The following RGS17 variants were observed in gnomAD, a reference collection of about 807,000 sequenced individuals.
RGS17 encodes the protein regulator of G-protein signaling 17.
Under a neutral mutation model 25.5 loss-of-function variants are expected in RGS17, and 12 were observed. The observed-to-expected ratio is 0.47, with a 90% CI of 0.30 to 0.76. The LOEUF is 0.76. Ranked by LOEUF, RGS17 falls within the 30% of genes least tolerant of loss-of-function variation. The pLI is 0.07. For missense variants in RGS17, 196 were observed against 242.2 expected, an observed-to-expected ratio of 0.81 and a Z score of 1.27; for synonymous variants, 71 against 76.9, an observed-to-expected ratio of 0.92 and a Z score of 0.40.
At chr6:153,039,959 T>C (rs1776301692) in intron 2 of RGS17, among the ~76,000 whole-genome samples, 1 of 152,206 alleles carries the variant, frequency 6.6e-6, no homozygotes, top group Admixed American at 6.5e-5. Context: ...AAACGAGACA[T>C]TCCACTTGCC....
At chr6:153,112,515 G>C (rs1414013982) in intron 1 of RGS17, among the ~76,000 whole-genome samples, 1 of 152,164 alleles carries the variant, frequency 6.6e-6, no homozygotes, top group Non-Finnish European at 1.5e-5. Flanking sequence ...TATTATCCAG[G>C]AGAACTTCCC....
intron 1 of RGS17, among the ~76,000 whole-genome samples, chr6:153,098,236 G>A (rs918291179): frequency 6.6e-6 from 1 of 152,176 alleles, no homozygotes; most frequent in African/African-American, 2.4e-5. Context: ...GAGTATGGAT[G>A]AGGGGGTGAC....
intron 1 of RGS17, among the ~76,000 whole-genome samples, chr6:153,054,650 C>CAAAT (rs55901939): frequency 0.39 from 55,461 of 141,438 alleles, 11,108 homozygotes; most frequent in South Asian, 0.44. Flanking sequence ...GACTTCATCT[C>CAAAT]AAATAAATAA....
At chr6:153,127,078 T>C (rs905762150) in intron 1 of RGS17, among the ~76,000 whole-genome samples, 1 of 152,196 alleles carries the variant, frequency 6.6e-6, no homozygotes, top group Non-Finnish European at 1.5e-5. Context: ...CATTAGATTC[T>C]CATAAGGAGT....
chr6:153,053,945 T>C lies in RGS17; in HGVS notation c.-25-9902A>G, dbSNP rs1467136339. On this transcript the variant is annotated intron_variant, in intron 1 of 4. Coordinates refer to ENST00000206262, the MANE Select transcript of RGS17 (RefSeq NM_012419.5). ...TATATGTATATATATGTATATATAA[T>C]ATATATACATATATATTATATACAT... 2.0e-4 allele frequency among the ~76,000 whole-genome samples: 11 copies of C among 54,414 alleles called. 2 individuals carry two copies. The highest frequency in any genetic ancestry group is 3.1e-4 in the Non-Finnish European group (11 of 35,416). The allele number at this position is 54,414 out of a possible 152,430, so 35.7% of individuals were successfully genotyped here. A position where few individuals can be genotyped will look rare whatever the true frequency, so the allele number is the denominator to read the frequency against.
intron 2 of RGS17, among the ~76,000 whole-genome samples, chr6:153,040,325 C>CA (rs1048166833): frequency 2.0e-5 from 3 of 151,644 alleles, no homozygotes; most frequent in Non-Finnish European, 4.4e-5. Context: ...ATCCTCCCCG[C>CA]AAAAAATGTG....
At chr6:153,121,139 A>G (rs1290393881) in intron 1 of RGS17, among the ~76,000 whole-genome samples, 1 of 152,044 alleles carries the variant, frequency 6.6e-6, no homozygotes, top group Non-Finnish European at 1.5e-5. Context: ...AAGAAAAAGG[A>G]GGCAGAAAAC....
Position 153,055,105 on chromosome 6 carries a change from C to G in RGS17, c.-25-11062G>C, listed in dbSNP as rs1400052986. Among the ~76,000 whole-genome samples, 3 of 152,124 alleles carry G rather than the reference C, an allele frequency of 2.0e-5. No homozygotes were observed. In the East Asian group the frequency reaches 5.8e-4, roughly 29 times the overall value. On this transcript the variant is annotated intron_variant, in intron 1 of 4. Coordinates refer to ENST00000206262, the MANE Select transcript of RGS17 (RefSeq NM_012419.5). ...GTGACAGTGCCTAGGAAGGTCCTTC[C>G]CAAATCCCTGAACGTGGTAAGTAAG...
intron 4 of RGS17, among the ~76,000 whole-genome samples, chr6:153,015,305 A>C (rs1480496539): frequency 6.6e-6 from 1 of 152,222 alleles, no homozygotes; most frequent in Non-Finnish European, 1.5e-5. Context: ...ATTTTGAAAG[A>C]AGCTCTACTG....
At chr6:153,090,450 A>G (rs1000626365) in intron 1 of RGS17, among the ~76,000 whole-genome samples, 2 of 122,184 alleles carry the variant, frequency 1.6e-5, no homozygotes, top group African/African-American at 7.8e-5. Flanking sequence ...ATCTCTACTG[A>G]AAAAAAAAAA....
At chr6:153,076,603 G>A (rs1776884357) in intron 1 of RGS17, among the ~76,000 whole-genome samples, 1 of 152,148 alleles carries the variant, frequency 6.6e-6, no homozygotes, top group African/African-American at 2.4e-5. Context: ...GGTGAGCCAA[G>A]GGCATCTTGT....
At chr6:153,127,072 A>G (rs1234600281) in intron 1 of RGS17, among the ~76,000 whole-genome samples, 1 of 152,204 alleles carries the variant, frequency 6.6e-6, no homozygotes, top group Non-Finnish European at 1.5e-5. Context: ...ATCAGGCATT[A>G]GATTCTCATA....
chr6:153,014,919 G>T (rs1779168148), intron 4 of RGS17, among the ~76,000 whole-genome samples: 1 of 152,106 alleles, frequency 6.6e-6, no homozygotes, highest in African/African-American at 2.4e-5. Flanking sequence ...TAGTCATTAA[G>T]AACATTTGTG....
intron 1 of RGS17, among the ~76,000 whole-genome samples, chr6:153,048,562 A>G (rs2129111424): frequency 6.6e-6 from 1 of 151,874 alleles, no homozygotes; most frequent in South Asian, 2.1e-4. Context: ...CTTTTTTGTT[A>G]CTCCCCTGAA....
intron 1 of RGS17, among the ~76,000 whole-genome samples, chr6:153,045,541 A>G (rs1383517380): frequency 6.6e-6 from 1 of 152,210 alleles, no homozygotes; most frequent in Non-Finnish European, 1.5e-5. Context: ...CTGATAAAAG[A>G]GCTGCTTCAA....
In RGS17 at chr6:153,103,484, C is replaced by T. The variant is rs1584158523; in HGVS notation, c.-26+27640G>A. 2.6e-5 allele frequency among the ~76,000 whole-genome samples: 4 copies of T among 152,248 alleles called. No homozygotes were observed. In the Middle Eastern group the frequency reaches 0.014, roughly 518 times the overall value. On this transcript the variant is annotated intron_variant, in intron 1 of 4. Coordinates refer to ENST00000206262, the MANE Select transcript of RGS17 (RefSeq NM_012419.5). ...ACTTCCTCTCAAGTGCTGCTACCAC[C>T]CTTTTCTCCTAGCAACCATATTATG...
chr6:153,029,333 T>C (rs1273827396), intron 2 of RGS17, among the ~76,000 whole-genome samples: 1 of 152,206 alleles, frequency 6.6e-6, no homozygotes, highest in Non-Finnish European at 1.5e-5. Context: ...GAAAATACCA[T>C]TTTAAGTTAA....
At chr6:153,090,035 G>C (rs1200215546) in intron 1 of RGS17, among the ~76,000 whole-genome samples, 1 of 152,086 alleles carries the variant, frequency 6.6e-6, no homozygotes, top group African/African-American at 2.4e-5. Flanking sequence ...CTGAAGGATT[G>C]AACAGTGTAT....
intron 1 of RGS17, among the ~76,000 whole-genome samples, chr6:153,127,429 C>T (rs1562341290): frequency 1.3e-5 from 2 of 152,204 alleles, no homozygotes; most frequent in Non-Finnish European, 2.9e-5. Context: ...ATGCCAAGCA[C>T]TATGTTCAGT....
Sources: allele counts gnomAD v4.1 joint callset (sites outside exome capture counted in the v4.1 genomes callset), GRCh38; gene constraint gnomAD v4.1.1; transcripts MANE v1.5; gene names NCBI Gene and HGNC (gene_info 2026-07-23, HGNC 2026-07-21).